Variants in PLXNA2 observed in about 807,000 individuals in gnomAD.
PLXNA2 encodes the protein plexin A2, also known as plexin-A2.
In PLXNA2, 91 loss-of-function variants were observed where a neutral mutation model predicts 193.5. That is an observed-to-expected ratio of 0.47 (90% CI 0.40 to 0.56). PLXNA2 has a LOEUF of 0.56. PLXNA2 is among the 20% of genes least tolerant of loss of function. PLXNA2 has a pLI of 0.00. For missense variants in PLXNA2, 1,995 were observed against 2,503.2 expected, an observed-to-expected ratio of 0.80 and a Z score of 4.33; for synonymous variants, 997 against 1,027.3, an observed-to-expected ratio of 0.97 and a Z score of 0.56.
intron 4 of PLXNA2, among the ~76,000 whole-genome samples, chr1:208,110,184 A>G (rs1318762557): frequency 1.3e-5 from 2 of 152,154 alleles, no homozygotes; most frequent in Non-Finnish European, 2.9e-5. Flanking sequence ...CCCTCTGGGG[A>G]AAGTCCAGGC....
chr1:208,080,293 A>G (rs1466129600), intron 11 of PLXNA2, among the ~76,000 whole-genome samples: 8 of 152,068 alleles, frequency 5.3e-5, no homozygotes, highest in African/African-American at 1.9e-4. Flanking sequence ...CTATTTAAAT[A>G]GTAACATTTG....
chr1:208,119,628 G>A (rs1225100376), intron 4 of PLXNA2, among the ~76,000 whole-genome samples: 3 of 152,000 alleles, frequency 2.0e-5, no homozygotes, highest in Non-Finnish European at 1.5e-5. Context: ...TTATTTTATT[G>A]AGACAGTGTC....
chr1:208,130,246 C>T (rs1668105798), intron 4 of PLXNA2, among the ~76,000 whole-genome samples: 1 of 152,186 alleles, frequency 6.6e-6, no homozygotes, highest in South Asian at 2.1e-4. Context: ...ACAGAAAGAT[C>T]AAAGGGCCAG....
At position 208,128,286 on chromosome 1, in the gene PLXNA2, G is replaced by A. The variant is rs553063611; in HGVS notation, c.1506+14043C>T. 2.0e-5 allele frequency among the ~76,000 whole-genome samples: 3 copies of A among 152,290 alleles called. No homozygotes were observed. In the East Asian group the frequency reaches 5.8e-4, roughly 29 times the overall value. Reference sequence around the variant, plus strand: ...TAGATGCAACTGGCAGATGACTTAAGGATGAAAAATGGGCAACGTGTTAGT... The same window carrying A: ...TAGATGCAACTGGCAGATGACTTAAAGATGAAAAATGGGCAACGTGTTAGT... On this transcript the variant is annotated intron_variant, in intron 4 of 31. Coordinates refer to ENST00000367033, the MANE Select transcript of PLXNA2 (RefSeq NM_025179.4).
rs1279722119 is a variant in PLXNA2, at chr1:208,022,344, T to C, written c.*4899A>G. 2 of 152,522 alleles carry C rather than the reference T, an allele frequency of 1.3e-5. No homozygotes were observed. Among genetic ancestry groups the C allele is most frequent in the Non-Finnish European group, 2.9e-5 (2 of 68,036 alleles). 9.4% of individuals were successfully genotyped at this position (152,522 alleles called of 1,614,324 possible). A position where few individuals can be genotyped will look rare whatever the true frequency, so the allele number is the denominator to read the frequency against. ...CTTGCAAAATAGGAGTGTTTCATAT[T>C]TACAATAGGTACACAATAATATATT... On this transcript the variant is annotated 3_prime_UTR_variant, in exon 32 of 32. Transcript: ENST00000367033.
intron 27 of PLXNA2, 141 bp downstream of exon 27, chr1:208,034,352 G>A (rs1664604287): frequency 3.2e-6 from 2 of 625,972 alleles, no homozygotes. Context: ...GACTAGGGAG[G>A]ACAGAAACCA....
At chr1:208,132,775 C>T (rs1021743707) in intron 4 of PLXNA2, among the ~76,000 whole-genome samples, 1 of 152,092 alleles carries the variant, frequency 6.6e-6, no homozygotes, top group Admixed American at 6.6e-5. Context: ...ATTTACTAAG[C>T]GGGTAGTAGG....
At position 208,217,322 on chromosome 1, in the gene PLXNA2, G is replaced by A. The variant is rs1466791865; in HGVS notation, c.601C>T (p.Arg201Trp). Residue 201 changes from arginine to tryptophan, a missense_variant, in exon 2 of 32, where the codon CGG (arginine) becomes TGG (tryptophan). This residue lies in a region of PLXNA2 where 702 missense variants were observed against 812.9 expected (regional missense o/e 0.86). Coordinates refer to ENST00000367033, the MANE Select transcript of PLXNA2 (RefSeq NM_025179.4). This position sits in a 1 kb window ranked among gnomAD's most constrained non-coding sequence, Gnocchi z 4.7. ...KQDYFPTLSSRKLPRDPESSA... is the reference protein window; with the variant it reads ...KQDYFPTLSSWKLPRDPESSA... ...GACTCAGGGTCTCGGGGCAGCTTCC[G>A]GCTGGACAGGGTCGGGAAGTAATCC... 2.5e-6 allele frequency: 4 copies of A among 1,614,026 alleles called. No individual in the cohort carries two copies. Among genetic ancestry groups the A allele is most frequent in the Non-Finnish European group, 3.4e-6 (4 of 1,180,016 alleles).
intron 17 of PLXNA2, among the ~76,000 whole-genome samples, chr1:208,048,308 G>C (rs1000034035): frequency 6.6e-6 from 1 of 152,236 alleles, no homozygotes; most frequent in African/African-American, 2.4e-5. Flanking sequence ...GGTGTGCTGA[G>C]GATGAGCTGG....
chr1:208,210,552 G>T, intron 2 of PLXNA2, 90 bp from the exon 3 acceptor site: 1 of 1,175,940 alleles, frequency 8.5e-7, no homozygotes, highest in Non-Finnish European at 1.2e-6. Flanking sequence ...CCAGCCTTAG[G>T]ACACCAGGCC....
At position 208,240,486 on chromosome 1, in the gene PLXNA2, T is replaced by C. The variant is rs148837135; in HGVS notation, c.-81+3157A>G. Among the ~76,000 whole-genome samples, 4 of 152,170 alleles carry C rather than the reference T, an allele frequency of 2.6e-5. No individual in the cohort carries two copies. In the East Asian group the frequency reaches 7.7e-4, roughly 29 times the overall value. Reference sequence around the variant, plus strand: ...CAGGCATGAAATCTTTGTAACGAAGTGAAAAAACTGTTCAGGGAACTGGTT... The same window carrying C: ...CAGGCATGAAATCTTTGTAACGAAGCGAAAAAACTGTTCAGGGAACTGGTT... On this transcript the variant is annotated intron_variant, in intron 1 of 31. Transcript: ENST00000367033.
intron 3 of PLXNA2, among the ~76,000 whole-genome samples, chr1:208,165,607 T>A (rs1486779099): frequency 6.6e-6 from 1 of 152,154 alleles, no homozygotes; most frequent in East Asian, 1.9e-4. Context: ...ATAGCCTCTT[T>A]CAACTTCATC....
intron 12 of PLXNA2, among the ~76,000 whole-genome samples, chr1:208,078,475 CCTTT>C (rs1666229596): frequency 2.6e-5 from 4 of 152,176 alleles, no homozygotes; most frequent in Non-Finnish European, 5.9e-5. Context: ...GCCTCTTCCT[CCTTT>C]CTTAAACATG....
chr1:208,135,889 G>A (rs967041166), intron 4 of PLXNA2, among the ~76,000 whole-genome samples: 3 of 152,158 alleles, frequency 2.0e-5, no homozygotes, highest in Non-Finnish European at 4.4e-5. Context: ...CAAGCAGACC[G>A]ACTGCGTGAC....
intron 3 of PLXNA2, among the ~76,000 whole-genome samples, chr1:208,154,420 G>C (rs1035808196): frequency 6.6e-6 from 1 of 152,154 alleles, no homozygotes; most frequent in Non-Finnish European, 1.5e-5. Context: ...AAGTCCTCCT[G>C]GCCCCTGAGA....
Position 208,230,789 on chromosome 1 carries a change from C to T in PLXNA2, c.-80-12787G>A, listed in dbSNP as rs149763275. On this transcript the variant is annotated intron_variant, in intron 1 of 31. Coordinates refer to ENST00000367033, the MANE Select transcript of PLXNA2 (RefSeq NM_025179.4). Reference sequence around the variant, plus strand: ...TACCTGCAGTTTCTATTATTTTTCTCTCTTTGTCTGAGACTCCCAGCTCTT... The same window carrying T: ...TACCTGCAGTTTCTATTATTTTTCTTTCTTTGTCTGAGACTCCCAGCTCTT... Among the ~76,000 whole-genome samples, 78 of 152,336 alleles carry T rather than the reference C, an allele frequency of 5.1e-4. 1 individual carries two copies. The highest frequency in any genetic ancestry group is 1.8e-3 in the African/African-American group (76 of 41,574).
chr1:208,185,214 G>GCCC (rs1669957500), intron 3 of PLXNA2, among the ~76,000 whole-genome samples: 1 of 152,140 alleles, frequency 6.6e-6, no homozygotes, highest in Admixed American at 6.5e-5. Flanking sequence ...TGTTAAGGAG[G>GCCC]CCCTCTCAGT....
intron 3 of PLXNA2, among the ~76,000 whole-genome samples, chr1:208,146,757 A>G (rs951084651): frequency 7.2e-5 from 11 of 152,216 alleles, no homozygotes; most frequent in African/African-American, 2.7e-4. Flanking sequence ...GTGCAACACC[A>G]AGATGCACAG....
chr1:208,104,812 C>T (rs1344260718), intron 4 of PLXNA2, among the ~76,000 whole-genome samples: 3 of 152,066 alleles, frequency 2.0e-5, no homozygotes, highest in African/African-American at 7.2e-5. Context: ...CCCTCACCTC[C>T]CTTTAATAAT....
Sources: gnomAD v4.1 joint callset for allele counts (sites outside exome capture counted in the v4.1 genomes callset) on GRCh38, gnomAD v4.1.1 for gene constraint, gnomAD v4.1.1 regional missense constraint, Gnocchi (gnomAD v3.1) non-coding constraint, MANE v1.5 for transcripts, NCBI Gene and HGNC (gene_info 2026-07-23, HGNC 2026-07-21) for gene names.